XIAP: variants seen among roughly 807,000 people sequenced by gnomAD.
The protein encoded by XIAP is X-linked inhibitor of apoptosis.
XIAP carries 3 observed loss-of-function variants against 33.1 expected under a neutral mutation model. The observed-to-expected ratio is 0.09, with a 90% confidence interval of 0.04 to 0.23. The LOEUF (loss-of-function observed/expected upper bound fraction) is 0.23, where lower values mean the gene tolerates loss of function less well. Among genes scored for constraint, XIAP ranks in the 10% least tolerant of loss-of-function variants. The probability of loss-of-function intolerance (pLI) is 1.00; values close to 1 mark genes in which losing one functional copy is unlikely to be tolerated. For missense variants in XIAP, 264 were observed against 363.0 expected, an observed-to-expected ratio of 0.73 and a Z score of 2.22; for synonymous variants, 98 against 121.3, an observed-to-expected ratio of 0.81 and a Z score of 1.26.
chrX:123,899,275 GTA>G lies in XIAP; in HGVS notation c.1100-1208_1100-1207del, dbSNP rs1230229382. ...TATGATTTTGTATATATATGATTTT[GTA>G]TATATATATGATTTTGTATATATAT... On this transcript the variant is annotated intron_variant, in intron 5 of 6. Coordinates refer to ENST00000371199, the MANE Select transcript of XIAP (RefSeq NM_001167.4). Among the ~76,000 whole-genome samples, 8 of 89,754 alleles carry G rather than the reference GTA, an allele frequency of 8.9e-5. No individual in the cohort carries two copies. The South Asian group carries it at 1.5e-3, about 17-fold the overall frequency. 77.9% of individuals were successfully genotyped at this position (89,754 alleles called of 115,157 possible).
Position 123,860,295 on chromosome X carries a change from T to G in XIAP, c.-33+2T>G, listed in dbSNP as rs2053066401. ...GTTCGGGCCGGCTGTCCTGGCGCGG[T>G]GGGTACAGCTTGTGTAGGCTTTCCC... On this transcript the variant is annotated splice_donor_variant, in intron 1 of 6. Transcript: ENST00000371199. LOFTEE classifies it low-confidence loss of function (5UTR_SPLICE). 3.0e-6 allele frequency: 1 copy of G among 328,005 alleles called. No homozygotes were observed. Among genetic ancestry groups the G allele is most frequent in the Non-Finnish European group, 5.9e-6 (1 of 169,608 alleles). 27.0% of individuals were successfully genotyped at this position (328,005 alleles called of 1,213,427 possible). A position where few individuals can be genotyped will look rare whatever the true frequency, so the allele number is the denominator to read the frequency against.
At chrX:123,892,807 A>G in intron 5 of XIAP, 34 bp downstream of exon 5, 1 of 1,112,927 alleles carries the variant, frequency 9.0e-7, no homozygotes, top group Non-Finnish European at 1.2e-6. Flanking sequence ...TTTTAATTTA[A>G]CTGCCAATTT....
rs1219435339 is a variant in XIAP, at chrX:123,907,659, G to A, written c.*478G>A. ...GGAAAGATAGAGATTGTTTTTAGAG[G>A]TTGGTTGTTGTGTTTTAGGATTCTG... On this transcript the variant is annotated 3_prime_UTR_variant, in exon 7 of 7. Transcript: ENST00000371199. 2.7e-5 allele frequency: 10 copies of A among 371,283 alleles called. No homozygotes were observed. In the East Asian group the frequency reaches 5.7e-4, roughly 21 times the overall value. The allele number at this position is 371,283 out of a possible 1,213,427, so 30.6% of individuals were successfully genotyped here. A position where few individuals can be genotyped will look rare whatever the true frequency, so the allele number is the denominator to read the frequency against.
In XIAP at chrX:123,891,322, T is replaced by G; in HGVS notation, c.1056+6T>G. 1 of 928,227 alleles carries G rather than the reference T, an allele frequency of 1.1e-6. No individual in the cohort carries two copies. Among genetic ancestry groups the G allele is most frequent in the Non-Finnish European group, 1.5e-6 (1 of 657,373 alleles). The allele number at this position is 928,227 out of a possible 1,213,427, so 76.5% of individuals were successfully genotyped here. On this transcript the variant is annotated splice_donor_region_variant and intron_variant, in intron 4 of 6. Coordinates refer to ENST00000371199, the MANE Select transcript of XIAP (RefSeq NM_001167.4). ...ATTCACTTGAGGAGTGTCTGGTAAG[T>G]CTCATATAATTTATATTTTCAAATT... is the stretch of plus-strand genomic sequence containing the variant.
At chrX:123,873,817 C>G (rs2053217464) in intron 1 of XIAP, 1 of 108,440 alleles carries the variant, frequency 9.2e-6, no homozygotes, top group African/African-American at 3.4e-5. Flanking sequence ...GCCTGTAATC[C>G]CAGCTACTTG....
chrX:123,898,961 A>G (rs1348705794), intron 5 of XIAP, among the ~76,000 whole-genome samples: 1 of 102,104 alleles, frequency 9.8e-6, no homozygotes, highest in Non-Finnish European at 2.0e-5. Context: ...TCTACTAAAT[A>G]TACAAAAAAA....
chrX:123,911,925 A>C lies in XIAP; in HGVS notation c.*4744A>C, dbSNP rs1170983704. 3.1e-6 allele frequency: 1 copy of C among 326,902 alleles called. No individual in the cohort carries two copies. Among genetic ancestry groups the C allele is most frequent in the Non-Finnish European group, 5.9e-6 (1 of 169,659 alleles). The allele number at this position is 326,902 out of a possible 1,213,427, so 26.9% of individuals were successfully genotyped here. A position where few individuals can be genotyped will look rare whatever the true frequency, so the allele number is the denominator to read the frequency against. On this transcript the variant is annotated 3_prime_UTR_variant, in exon 7 of 7. Transcript: ENST00000371199. Reference sequence around the variant, plus strand: ...GTTCTTTCATTTTACAGGTGAGGCAACTGAGACTCAAAGGTGATGTAATTT... The same window carrying C: ...GTTCTTTCATTTTACAGGTGAGGCACCTGAGACTCAAAGGTGATGTAATTT...
At chrX:123,895,218 G>A (rs7053219) in intron 5 of XIAP, among the ~76,000 whole-genome samples, 21,506 of 110,982 alleles carry the variant, frequency 0.19, 1,480 homozygotes, top group South Asian at 0.38. Flanking sequence ...GACATTTAAT[G>A]TAAATGGAAT....
intron 6 of XIAP, among the ~76,000 whole-genome samples, chrX:123,902,372 C>T (rs1402131338): frequency 9.0e-6 from 1 of 111,664 alleles, no homozygotes; most frequent in African/African-American, 3.3e-5. Context: ...GTAATTGATA[C>T]AGGCTCTCTA....
intron 4 of XIAP, among the ~76,000 whole-genome samples, chrX:123,891,791 C>T (rs1318157455): frequency 1.0e-5 from 1 of 100,106 alleles, no homozygotes; most frequent in Non-Finnish European, 2.0e-5. Context: ...CACTGTACTC[C>T]AGCCTGAGTG....
intron 6 of XIAP, among the ~76,000 whole-genome samples, chrX:123,904,077 ATTG>A (rs2053539033): frequency 9.0e-6 from 1 of 111,386 alleles, no homozygotes; most frequent in African/African-American, 3.3e-5. Context: ...AGGTGTCAGT[ATTG>A]TTGTTGCTTT....
intron 1 of XIAP, among the ~76,000 whole-genome samples, chrX:123,876,705 TTAAA>T (rs779561599): frequency 5.6e-5 from 6 of 107,211 alleles, no homozygotes; most frequent in African/African-American, 1.0e-4. Context: ...GCCTTGTCTT[TTAAA>T]TAAATAAATA....
In XIAP at chrX:123,909,786, A is replaced by G. The variant is rs938815276; in HGVS notation, c.*2605A>G. On this transcript the variant is annotated 3_prime_UTR_variant, in exon 7 of 7. Transcript: ENST00000371199. ...CAAGTTTATTTTAAGAATTGTTTAG[A>G]AATGCTGTTGCTTCAGGTTCTTAAA... The G allele has an allele frequency of 1.2e-5, 4 of 327,995 alleles. No homozygotes were observed. The highest frequency in any genetic ancestry group is 2.4e-5 in the Non-Finnish European group (4 of 169,748). 27.0% of individuals were successfully genotyped at this position (327,995 alleles called of 1,213,427 possible).
rs2053571656 is a variant in XIAP, at chrX:123,908,498, G to A, written c.*1317G>A. On this transcript the variant is annotated 3_prime_UTR_variant, in exon 7 of 7. Transcript: ENST00000371199. The stretch of plus-strand genomic sequence containing the variant: ...GTAGAAGCATGTTTGTACACTGCTT[G>A]TAGTTATAGTGACAGCTTTCCATGT... 1 of 366,749 alleles carries A rather than the reference G, an allele frequency of 2.7e-6. No homozygotes were observed. The highest frequency in any genetic ancestry group is 3.1e-5 in the Admixed American group (1 of 32,391). 30.2% of individuals were successfully genotyped at this position (366,749 alleles called of 1,213,427 possible).
At chrX:123,899,745 C>T (rs748286084) in intron 5 of XIAP, among the ~76,000 whole-genome samples, 2 of 106,999 alleles carry the variant, frequency 1.9e-5, no homozygotes, top group South Asian at 4.0e-4. Context: ...TGCTGTGTAG[C>T]GTATGAATAT....
At chrX:123,871,299 G>A (rs1053000785) in intron 1 of XIAP, among the ~76,000 whole-genome samples, 2 of 110,831 alleles carry the variant, frequency 1.8e-5, no homozygotes, top group Admixed American at 9.7e-5. Context: ...AGAATACTTC[G>A]TTCTGAGAAA....
At chrX:123,874,559 C>T (rs745677986) in intron 1 of XIAP, 4 of 111,273 alleles carry the variant, frequency 3.6e-5, no homozygotes, top group South Asian at 3.8e-4. Context: ...ACATCCTGAA[C>T]ATGAATTTTT....
Position 123,912,052 on chromosome X carries a change from A to G in XIAP, c.*4871A>G. On this transcript the variant is annotated 3_prime_UTR_variant, in exon 7 of 7. Transcript: ENST00000371199. Reference sequence around the variant, plus strand: ...CCTTTCTTGAAAGGTCCAAATGTTTATGTTTTCAACTACTCTTTCCACTGT... The same window carrying G: ...CCTTTCTTGAAAGGTCCAAATGTTTGTGTTTTCAACTACTCTTTCCACTGT... 1 of 328,983 alleles carries G rather than the reference A, an allele frequency of 3.0e-6. No homozygotes were observed. Among genetic ancestry groups the G allele is most frequent in the South Asian group, 2.6e-5 (1 of 38,473 alleles). 27.1% of individuals were successfully genotyped at this position (328,983 alleles called of 1,213,427 possible).
intron 3 of XIAP, among the ~76,000 whole-genome samples, chrX:123,890,161 C>T (rs2053392760): frequency 9.9e-6 from 1 of 101,224 alleles, no homozygotes; most frequent in East Asian, 3.2e-4. Flanking sequence ...GGACTACAGG[C>T]GCCCGCTACC....
Sources: allele counts gnomAD v4.1 joint callset (sites outside exome capture counted in the v4.1 genomes callset), GRCh38; gene constraint gnomAD v4.1.1; transcripts MANE v1.5; gene names NCBI Gene and HGNC (gene_info 2026-07-23, HGNC 2026-07-21).